SORCS3: variants seen among roughly 807,000 people sequenced by gnomAD.
SORCS3 encodes sortilin related VPS10 domain containing receptor 3, also known as VPS10 domain-containing receptor SorCS3.
Under a neutral mutation model 146.3 loss-of-function variants are expected in SORCS3, and 57 were observed. The observed-to-expected ratio is 0.39, with a 90% confidence interval of 0.31 to 0.49. The LOEUF is 0.49. Among genes scored for constraint, SORCS3 ranks in the 20% least tolerant of loss-of-function variants. The probability of loss-of-function intolerance (pLI) is 0.92; values close to 1 mark genes in which losing one functional copy is unlikely to be tolerated. For missense variants in SORCS3, 1,341 were observed against 1,575.5 expected (o/e 0.85, Z 2.52); for synonymous variants, 653 against 618.5 (o/e 1.06, Z -0.83).
intron 1 of SORCS3, among the ~76,000 whole-genome samples, chr10:104,679,294 T>C (rs2015945260): frequency 6.6e-6 from 1 of 152,104 alleles, no homozygotes; most frequent in Non-Finnish European, 1.5e-5. Flanking sequence ...GTAAAAGCTG[T>C]TGTAGTGGCC....
chr10:104,694,924 T>C (rs2016157033), intron 1 of SORCS3, among the ~76,000 whole-genome samples: 1 of 152,180 alleles, frequency 6.6e-6, no homozygotes. Context: ...TTGTATTTTA[T>C]TAGTTTTAAA....
At chr10:104,953,892 C>T (rs1452241465) in intron 3 of SORCS3, among the ~76,000 whole-genome samples, 1 of 152,144 alleles carries the variant, frequency 6.6e-6, no homozygotes, top group Non-Finnish European at 1.5e-5. Context: ...AGCATATTAG[C>T]TGGTAAAATA....
At chr10:105,152,694 CG>C (rs1021791145) in intron 9 of SORCS3, among the ~76,000 whole-genome samples, 2 of 152,154 alleles carry the variant, frequency 1.3e-5, no homozygotes, top group African/African-American at 4.8e-5. Flanking sequence ...TTAGTTTCTT[CG>C]TTCCCGTAGC....
At chr10:104,801,917 C>A (rs548461827) in intron 1 of SORCS3, among the ~76,000 whole-genome samples, 2 of 152,276 alleles carry the variant, frequency 1.3e-5, no homozygotes, top group Non-Finnish European at 2.9e-5. Flanking sequence ...TACAATGATT[C>A]TGAAAGATCC....
chr10:104,977,346 C>T lies in SORCS3; in HGVS notation c.807C>T (p.Leu269=). The change falls in exon 4 of 27, where the codon CTC becomes CTT. Residue 269 remains leucine, a synonymous_variant. Transcript: ENST00000369701. Reference sequence around the variant, plus strand: ...TATCCTTTCTTTAGATTATGCTTCTCAGTGATCCTGAGATGGAGAGCAGCA... The same window carrying T: ...TATCCTTTCTTTAGATTATGCTTCTTAGTGATCCTGAGATGGAGAGCAGCA... ...NPTNKRKIML[L]SDPEMESSIL... 6.2e-7 allele frequency: 1 copy of T among 1,612,112 alleles called. No homozygotes were observed. Among genetic ancestry groups the T allele is most frequent in the Non-Finnish European group, 8.5e-7 (1 of 1,179,228 alleles).
chr10:105,077,521 AACACACACACACACACAC>A (rs60182481), intron 5 of SORCS3, among the ~76,000 whole-genome samples: 1 of 116,582 alleles, frequency 8.6e-6, no homozygotes, highest in Non-Finnish European at 1.8e-5. Context: ...GACTAAATTA[AACACACACACACACACAC>A]ACACACACAC....
chr10:105,092,664 C>A (rs2055718702), intron 6 of SORCS3, among the ~76,000 whole-genome samples: 1 of 151,014 alleles, frequency 6.6e-6, no homozygotes, highest in African/African-American at 2.4e-5. Context: ...TGAGCATCAT[C>A]AAAAATACAA....
intron 1 of SORCS3, among the ~76,000 whole-genome samples, chr10:104,757,190 C>T (rs2017064084): frequency 6.6e-6 from 1 of 151,414 alleles, no homozygotes; most frequent in African/African-American, 2.4e-5. Flanking sequence ...CATGTGGCAG[C>T]ACAACCCAAT....
intron 5 of SORCS3, among the ~76,000 whole-genome samples, chr10:105,085,666 T>C (rs1393101553): frequency 6.6e-6 from 1 of 152,224 alleles, no homozygotes; most frequent in Non-Finnish European, 1.5e-5. Context: ...AGGCACCCTA[T>C]GGGCTTGTAT....
intron 1 of SORCS3, among the ~76,000 whole-genome samples, chr10:104,802,884 A>T (rs904458553): frequency 1.3e-5 from 2 of 152,174 alleles, no homozygotes; most frequent in Non-Finnish European, 2.9e-5. Context: ...GGCTTCTGTT[A>T]TCATGAAACC....
intron 4 of SORCS3, among the ~76,000 whole-genome samples, chr10:105,026,012 C>T (rs1334718764): frequency 1.3e-5 from 2 of 152,108 alleles, no homozygotes; most frequent in African/African-American, 4.8e-5. Flanking sequence ...CTCTTTCTCT[C>T]AAACCCAACT....
At chr10:104,921,485 GTCTC>G (rs374928379) in intron 3 of SORCS3, among the ~76,000 whole-genome samples, 3 of 146,344 alleles carry the variant, frequency 2.0e-5, no homozygotes, top group East Asian at 2.0e-4. Flanking sequence ...AGAGGTACAT[GTCTC>G]TCTCTCTCTC....
intron 20 of SORCS3, among the ~76,000 whole-genome samples, chr10:105,226,879 TTG>T (rs2119679783): frequency 6.6e-6 from 1 of 152,154 alleles, no homozygotes; most frequent in South Asian, 2.1e-4. Flanking sequence ...TAATGATCTT[TTG>T]TGTTTCTGTG....
At chr10:105,201,757 T>G (rs568929313) in intron 16 of SORCS3, among the ~76,000 whole-genome samples, 1 of 152,314 alleles carries the variant, frequency 6.6e-6, no homozygotes, top group East Asian at 1.9e-4. Context: ...AATATTTACC[T>G]CTGGCCCTGG....
At chr10:105,201,056 C>T in intron 15 of SORCS3, 64 bp from the exon 16 acceptor site, 2 of 1,571,688 alleles carry the variant, frequency 1.3e-6, no homozygotes, top group Non-Finnish European at 8.6e-7. Flanking sequence ...TTCTTGTTGA[C>T]AACTGGTTTA....
At chr10:105,221,550 A>G (rs1232486741) in intron 19 of SORCS3, among the ~76,000 whole-genome samples, 1 of 152,248 alleles carries the variant, frequency 6.6e-6, no homozygotes, top group Non-Finnish European at 1.5e-5. Flanking sequence ...TCTGTGTAGG[A>G]TTAAGACTCA....
At chr10:104,945,775 TAC>T (rs1168179591) in intron 3 of SORCS3, among the ~76,000 whole-genome samples, 1 of 149,688 alleles carries the variant, frequency 6.7e-6, no homozygotes, top group Non-Finnish European at 1.5e-5. Flanking sequence ...TGCACACACA[TAC>T]ACAATACCAA....
At chr10:104,858,736 C>T (rs1424986498) in intron 2 of SORCS3, among the ~76,000 whole-genome samples, 2 of 151,724 alleles carry the variant, frequency 1.3e-5, no homozygotes, top group Non-Finnish European at 2.9e-5. Flanking sequence ...ATTCTCCTGC[C>T]TCAGCCCCCT....
intron 11 of SORCS3, among the ~76,000 whole-genome samples, chr10:105,161,323 A>G (rs1409663086): frequency 6.6e-6 from 1 of 152,130 alleles, no homozygotes; most frequent in Non-Finnish European, 1.5e-5. Context: ...GCCATCAGGA[A>G]GATAACTATG....
Sources: gnomAD v4.1 joint callset for allele counts (sites outside exome capture counted in the v4.1 genomes callset) on GRCh38, gnomAD v4.1.1 for gene constraint, MANE v1.5 for transcripts, NCBI Gene and HGNC (gene_info 2026-07-23, HGNC 2026-07-21) for gene names.